The following RNF150 variants were observed in gnomAD, a reference collection of about 807,000 sequenced individuals.
RNF150 encodes the protein ring finger protein 150.
In RNF150, 24 loss-of-function variants were observed where a neutral mutation model predicts 39.3. The observed-to-expected ratio is 0.61, with a 90% CI of 0.44 to 0.86. The LOEUF (loss-of-function observed/expected upper bound fraction) is 0.86. Ranked by LOEUF, RNF150 falls within the 40% of genes least tolerant of loss-of-function variation. The pLI, the probability that RNF150 is intolerant of heterozygous loss-of-function variation, is 0.00. For missense variants in RNF150, 502 were observed against 587.8 expected (o/e 0.85, Z 1.51); for synonymous variants, 255 against 227.3 (o/e 1.12, Z -1.10).
At chr4:141,131,722 C>T (rs1434082402) in intron 1 of RNF150, among the ~76,000 whole-genome samples, 2 of 152,144 alleles carry the variant, frequency 1.3e-5, no homozygotes, top group Non-Finnish European at 2.9e-5. Context: ...CTCTTCTTGG[C>T]TTGTTGAGGA....
chr4:141,115,937 A>G (rs1739535788), intron 1 of RNF150, among the ~76,000 whole-genome samples: 1 of 152,242 alleles, frequency 6.6e-6, no homozygotes, highest in Admixed American at 6.5e-5. Flanking sequence ...CTGGCTAGCC[A>G]TAGGCAGAAA....
intron 5 of RNF150, among the ~76,000 whole-genome samples, chr4:140,915,086 G>GTAAC (rs1447548864): frequency 6.6e-6 from 1 of 152,182 alleles, no homozygotes. Flanking sequence ...ATACGATTGT[G>GTAAC]TAACTGCCAG....
intron 1 of RNF150, among the ~76,000 whole-genome samples, chr4:141,006,286 G>A (rs985702105): frequency 1.9e-4 from 24 of 127,114 alleles, no homozygotes; most frequent in East Asian, 1.6e-3. Flanking sequence ...ACATATATAC[G>A]TATATATATA....
intron 1 of RNF150, among the ~76,000 whole-genome samples, chr4:141,116,379 A>G (rs1484231663): frequency 6.6e-6 from 1 of 152,228 alleles, no homozygotes; most frequent in Non-Finnish European, 1.5e-5. Flanking sequence ...GCCAACAAAC[A>G]TATGAAAAAA....
chr4:140,901,196 C>T (rs1162789969), intron 6 of RNF150, among the ~76,000 whole-genome samples: 3 of 152,154 alleles, frequency 2.0e-5, no homozygotes, highest in East Asian at 3.8e-4. Flanking sequence ...CACAGTTAGA[C>T]GTTAGAATCT....
chr4:140,880,545 G>GTA (rs1383565511), intron 6 of RNF150, among the ~76,000 whole-genome samples: 11 of 148,712 alleles, frequency 7.4e-5, no homozygotes, highest in Admixed American at 4.7e-4. Context: ...CTCCTCTCCA[G>GTA]TCTTTTTTTT....
chr4:140,982,399 C>A (rs1733889273), intron 1 of RNF150, among the ~76,000 whole-genome samples: 1 of 152,108 alleles, frequency 6.6e-6, no homozygotes, highest in Admixed American at 6.6e-5. Flanking sequence ...GAAAACCTTC[C>A]ACACCCACAC....
intron 6 of RNF150, among the ~76,000 whole-genome samples, chr4:140,881,671 T>C (rs1484089781): frequency 6.6e-6 from 1 of 152,114 alleles, no homozygotes; most frequent in East Asian, 1.9e-4. Context: ...ACCCAGGAGT[T>C]TGAGACCAGG....
At chr4:140,991,136 T>C (rs1216881207) in intron 1 of RNF150, among the ~76,000 whole-genome samples, 1 of 152,228 alleles carries the variant, frequency 6.6e-6, no homozygotes, top group Non-Finnish European at 1.5e-5. Flanking sequence ...TGACCACATG[T>C]ATGTCTTCTT....
At chr4:141,086,286 G>A (rs192381212) in intron 1 of RNF150, among the ~76,000 whole-genome samples, 4 of 152,226 alleles carry the variant, frequency 2.6e-5, no homozygotes, top group Admixed American at 2.6e-4. Context: ...CCTACTATAA[G>A]TATAGATTTC....
intron 6 of RNF150, among the ~76,000 whole-genome samples, chr4:140,908,334 G>A (rs1730469659): frequency 6.6e-6 from 1 of 152,122 alleles, no homozygotes; most frequent in Non-Finnish European, 1.5e-5. Flanking sequence ...TAACCAGAGT[G>A]TTCATGTTTG....
At position 141,078,864 on chromosome 4, in the gene RNF150, TATATATACACAC is replaced by T. The variant is rs1434516400; in HGVS notation, c.484+53449_484+53460del. ...ACACACACACATACATACATACATA[TATATATACACAC>T]ATATATACACATACATATATATACA... On this transcript the variant is annotated intron_variant, in intron 1 of 6. Transcript: ENST00000515673. Among the ~76,000 whole-genome samples the T allele has an allele frequency of 6.8e-5, 10 of 146,126 alleles. No individual in the cohort carries two copies. In the Admixed American group the frequency reaches 6.8e-4, roughly 10 times the overall value.
intron 1 of RNF150, among the ~76,000 whole-genome samples, chr4:141,075,156 G>T (rs116081364): frequency 0.013 from 1,962 of 152,340 alleles, 55 homozygotes; most frequent in African/African-American, 0.045. Context: ...GGAGGAATGG[G>T]CAAGTGTTTT....
chr4:141,006,573 G>T (rs1000670638), intron 1 of RNF150, among the ~76,000 whole-genome samples: 4 of 152,156 alleles, frequency 2.6e-5, no homozygotes, highest in Non-Finnish European at 5.9e-5. Context: ...AGCAATAGAC[G>T]CTTGTTTTGT....
intron 1 of RNF150, among the ~76,000 whole-genome samples, chr4:141,210,528 A>T (rs1728446317): frequency 6.9e-6 from 1 of 145,872 alleles, no homozygotes; most frequent in Non-Finnish European, 1.5e-5. Flanking sequence ...GTGATAAGAG[A>T]TTTTTCTTAC....
At chr4:141,054,916 A>C (rs1316732104) in intron 1 of RNF150, among the ~76,000 whole-genome samples, 2 of 152,206 alleles carry the variant, frequency 1.3e-5, no homozygotes, top group African/African-American at 4.8e-5. Context: ...ATGTGATAAC[A>C]AACAACAAAA....
chr4:140,959,332 G>T (rs1056064239), intron 2 of RNF150, among the ~76,000 whole-genome samples: 14 of 152,054 alleles, frequency 9.2e-5, no homozygotes, highest in African/African-American at 3.4e-4. Context: ...TTGTGGGCTT[G>T]GTCAGAGATA....
intron 4 of RNF150, among the ~76,000 whole-genome samples, chr4:140,944,217 T>C (rs1405716265): frequency 6.6e-6 from 1 of 152,168 alleles, no homozygotes; most frequent in Non-Finnish European, 1.5e-5. Context: ...ATACTAACCT[T>C]AGATACAAAA....
intron 1 of RNF150, among the ~76,000 whole-genome samples, chr4:141,072,127 C>A (rs1177971512): frequency 6.6e-6 from 1 of 152,156 alleles, no homozygotes; most frequent in Non-Finnish European, 1.5e-5. Context: ...ACACTGTGAG[C>A]AGCAAAATTC....
Sources: gnomAD v4.1 joint callset for allele counts (sites outside exome capture counted in the v4.1 genomes callset) on GRCh38, gnomAD v4.1.1 for gene constraint, MANE v1.5 for transcripts, NCBI Gene and HGNC (gene_info 2026-07-23, HGNC 2026-07-21) for gene names.